SPMIP4: variants seen among roughly 807,000 people sequenced by gnomAD.
The protein encoded by SPMIP4 is sperm-associated microtubule inner protein 4.
chr7:25,142,868 C>A, the SPMIP4 span: 1 of 1,313,100 alleles, frequency 7.6e-7, no homozygotes, highest in Admixed American at 2.7e-5. Context: ...TAGAATAAGA[C>A]CTGATTCATG....
chr7:25,133,617 GAT>G, the SPMIP4 span, among the ~76,000 whole-genome samples: 1 of 152,164 alleles, frequency 6.6e-6, no homozygotes, highest in South Asian at 2.1e-4. Context: ...TAGATATTCG[GAT>G]GTGCCTAATG....
At chr7:25,134,959 A>T in the SPMIP4 span, 2 of 985,082 alleles carry the variant, frequency 2.0e-6, no homozygotes, top group South Asian at 4.7e-5. Flanking sequence ...TTGGAAAAAA[A>T]TTCTCTAACT....
the SPMIP4 span, among the ~76,000 whole-genome samples, chr7:25,129,979 T>A: frequency 6.6e-6 from 1 of 152,150 alleles, no homozygotes; most frequent in East Asian, 2.0e-4. Context: ...GGCTCATGCC[T>A]GTAATCCCAA....
the SPMIP4 span, among the ~76,000 whole-genome samples, chr7:25,147,426 G>A: frequency 7.9e-5 from 12 of 152,146 alleles, no homozygotes; most frequent in African/African-American, 2.2e-4. Context: ...GAGAGGCCCC[G>A]AATAGAGTGA....
the SPMIP4 span, among the ~76,000 whole-genome samples, chr7:25,150,677 T>C: frequency 3.3e-5 from 5 of 152,324 alleles, no homozygotes; most frequent in Non-Finnish European, 5.9e-5. Context: ...TCTCTTTTTA[T>C]CCATGTGGAG....
the SPMIP4 span, chr7:25,135,227 G>T: frequency 4.4e-6 from 3 of 680,592 alleles, no homozygotes; most frequent in Admixed American, 6.3e-5. Context: ...GCTATAATTA[G>T]AACTCACCAG....
At chr7:25,174,379 T>C in the SPMIP4 span, among the ~76,000 whole-genome samples, 1 of 152,326 alleles carries the variant, frequency 6.6e-6, no homozygotes. The surrounding 1 kb of genome is among the most constrained non-coding windows in gnomAD (Gnocchi z 4.5). Context: ...CTACCATCTC[T>C]AGCGATAGAA....
the SPMIP4 span, chr7:25,180,152 G>C: frequency 3.3e-5 from 5 of 152,616 alleles, no homozygotes; most frequent in African/African-American, 1.2e-4. Flanking sequence ...GGCTGGGGGC[G>C]CTTGTGACGG....
the SPMIP4 span, among the ~76,000 whole-genome samples, chr7:25,138,311 G>C: frequency 2.0e-5 from 3 of 152,230 alleles, no homozygotes; most frequent in East Asian, 1.9e-4. The surrounding 1 kb of genome is among the most constrained non-coding windows in gnomAD (Gnocchi z 6.2). Context: ...TGGACCATGT[G>C]ATCATCATTG....
chr7:25,144,046 T>C, the SPMIP4 span, among the ~76,000 whole-genome samples: 7 of 152,034 alleles, frequency 4.6e-5, no homozygotes, highest in African/African-American at 1.5e-4. Flanking sequence ...TGTGCAGAGA[T>C]GTGGAGGCCA....
At chr7:25,141,487 G>A in the SPMIP4 span, among the ~76,000 whole-genome samples, 12 of 148,176 alleles carry the variant, frequency 8.1e-5, no homozygotes, top group African/African-American at 2.2e-4. Flanking sequence ...CATGAGAATC[G>A]CTTGAACCAA....
the SPMIP4 span, among the ~76,000 whole-genome samples, chr7:25,127,697 A>G: frequency 6.6e-6 from 1 of 151,976 alleles, no homozygotes; most frequent in African/African-American, 2.4e-5. Context: ...TTGTGCCTTC[A>G]TTAGTTTGTT....
At chr7:25,127,551 C>A in the SPMIP4 span, among the ~76,000 whole-genome samples, 1 of 152,146 alleles carries the variant, frequency 6.6e-6, no homozygotes, top group African/African-American at 2.4e-5. Flanking sequence ...TTGTTTTAAT[C>A]TCTGTTAAAT....
chr7:25,169,893 G>A, the SPMIP4 span, among the ~76,000 whole-genome samples: 3 of 152,090 alleles, frequency 2.0e-5, no homozygotes, highest in Non-Finnish European at 4.4e-5. Flanking sequence ...TCCTTTTAAT[G>A]GCTACGTAAT....
At chr7:25,172,626 T>G in the SPMIP4 span, among the ~76,000 whole-genome samples, 1 of 152,110 alleles carries the variant, frequency 6.6e-6, no homozygotes, top group Non-Finnish European at 1.5e-5. The surrounding 1 kb of genome is among the most constrained non-coding windows in gnomAD (Gnocchi z 4.2). Context: ...TTGTTTTAAG[T>G]GGAACCAGGA....
the SPMIP4 span, chr7:25,142,638 AC>A: frequency 1.2e-6 from 2 of 1,604,208 alleles, no homozygotes; most frequent in South Asian, 2.3e-5. Flanking sequence ...GTGAACTCAT[AC>A]CTGTAAAATC....
At chr7:25,173,026 G>A in the SPMIP4 span, among the ~76,000 whole-genome samples, 1 of 149,276 alleles carries the variant, frequency 6.7e-6, no homozygotes, top group Non-Finnish European at 1.5e-5. This position sits in a 1 kb window ranked among gnomAD's most constrained non-coding sequence, Gnocchi z 4.4. Flanking sequence ...AAGGAAGGGG[G>A]AAGAAAGTGG....
At chr7:25,158,050 C>G in the SPMIP4 span, among the ~76,000 whole-genome samples, 582 of 152,236 alleles carry the variant, frequency 3.8e-3, 4 homozygotes, top group African/African-American at 0.013. Context: ...TGGACTTGTA[C>G]CAGCCTTTCC....
the SPMIP4 span, chr7:25,179,245 T>C: frequency 3.1e-6 from 5 of 1,613,852 alleles, no homozygotes; most frequent in African/African-American, 6.7e-5. Flanking sequence ...TAAAAGGTGT[T>C]GGACAGTATG....
Sources: allele counts gnomAD v4.1 joint callset (sites outside exome capture counted in the v4.1 genomes callset), GRCh38; gene constraint gnomAD v4.1.1; non-coding constraint Gnocchi (gnomAD v3.1); transcripts MANE v1.5; gene names NCBI Gene and HGNC (gene_info 2026-07-23, HGNC 2026-07-21).